ALPK3: variants seen among roughly 807,000 people sequenced by gnomAD.
ALPK3 encodes the protein alpha kinase 3.
In ALPK3, 102 loss-of-function variants were observed where a neutral mutation model predicts 140.0. The observed-to-expected ratio is 0.73, with a 90% CI of 0.62 to 0.86. The LOEUF (loss-of-function observed/expected upper bound fraction) is 0.86. ALPK3 is among the 40% of genes least tolerant of loss of function. The probability of loss-of-function intolerance (pLI) is 0.00; values close to 1 mark genes in which losing one functional copy is unlikely to be tolerated. For synonymous variants in ALPK3, 938 were observed against 898.5 expected, an observed-to-expected ratio of 1.04 and a Z score of -0.79; for missense variants, 2,254 against 2,208.2, an observed-to-expected ratio of 1.02 and a Z score of -0.42.
At chr15:84,854,867 A>G (rs958668699) in intron 5 of ALPK3, among the ~76,000 whole-genome samples, 1 of 152,208 alleles carries the variant, frequency 6.6e-6, no homozygotes, top group Admixed American at 6.5e-5. Context: ...TTATATGTTA[A>G]TATGCATTAA....
chr15:84,867,476 TC>T, intron 13 of ALPK3, 111 bp downstream of exon 13: 1 of 1,227,884 alleles, frequency 8.1e-7, no homozygotes, highest in Non-Finnish European at 1.2e-6. Flanking sequence ...GGCCAAGTGG[TC>T]CCAGACACAC....
rs746482983 is a variant in ALPK3 at position 84,857,465 on chromosome 15, C to T, written c.2727C>T (p.Ala909=). The T allele has an allele frequency of 3.4e-5, 54 of 1,611,902 alleles. No individual in the cohort carries two copies. The Admixed American group carries it at 8.7e-4, about 26-fold the overall frequency. Residue 909 remains alanine (A), a synonymous_variant, in exon 6 of 14, where the codon GCC becomes GCT. Coordinates refer to ENST00000258888, the MANE Select transcript of ALPK3 (RefSeq NM_020778.5). The part of the protein sequence containing the change: ...PSEDQVLMSS[A]PTLHLGLGTP... ...AGGATCAGGTCCTGATGAGTTCTGCCCCAACACTGCACCTGGGGCTGGGGA... is the reference window on the plus strand; with the variant it reads ...AGGATCAGGTCCTGATGAGTTCTGCTCCAACACTGCACCTGGGGCTGGGGA...
chr15:84,868,031 A>T, intron 13 of ALPK3, 80 bp from the exon 14 acceptor site: 10 of 1,413,328 alleles, frequency 7.1e-6, no homozygotes, highest in Non-Finnish European at 8.7e-6. Flanking sequence ...CATCCTGATG[A>T]TGGCCACCCC....
intron 3 of ALPK3, among the ~76,000 whole-genome samples, chr15:84,835,092 C>G (rs578046442): frequency 1.8e-4 from 27 of 152,302 alleles, no homozygotes; most frequent in African/African-American, 6.5e-4. Flanking sequence ...CCCTCTTGCC[C>G]AAGCATTTGA....
intron 1 of ALPK3, among the ~76,000 whole-genome samples, chr15:84,821,691 C>T (rs1175839203): frequency 6.6e-6 from 1 of 152,126 alleles, no homozygotes; most frequent in Non-Finnish European, 1.5e-5. Context: ...CTCTCCCTCC[C>T]CCAGGTCCCC....
intron 3 of ALPK3, among the ~76,000 whole-genome samples, chr15:84,836,274 C>T (rs567614177): frequency 1.3e-3 from 192 of 152,172 alleles, no homozygotes; most frequent in African/African-American, 4.4e-3. Flanking sequence ...ATGAGGGCTG[C>T]GTGAAATGGA....
Position 84,817,508 on chromosome 15 carries a change from C to A in ALPK3, c.56C>A (p.Ala19Glu). The A allele has an allele frequency of 2.8e-6, 2 of 702,720 alleles. No homozygotes were observed. The highest frequency in any genetic ancestry group is 2.2e-5 in the African/African-American group (1 of 45,794). The allele number at this position is 702,720 out of a possible 1,614,324, so 43.5% of individuals were successfully genotyped here. A position where few individuals can be genotyped will look rare whatever the true frequency, so the allele number is the denominator to read the frequency against. Residue 19 changes from alanine (A) to glutamate (E), a missense_variant, in exon 1 of 14, where the codon GCG (alanine) becomes GAG (glutamate). Ala to Glu is a moderately radical substitution (Grantham distance 107). Transcript: ENST00000258888. ...RGWGAGGRSG[A>E]GGDGEDDGPV... ...TGGGGCGCGGGTGGGCGGTCGGGGG[C>A]GGGGGGCGACGGTGAGGACGACGGC...
chr15:84,823,283 C>A, intron 1 of ALPK3, 47 bp from the exon 2 acceptor site: 2 of 1,611,836 alleles, frequency 1.2e-6, no homozygotes, highest in Non-Finnish European at 1.7e-6. Flanking sequence ...CGCCTACTTC[C>A]TTCTTGCTTT....
chr15:84,859,113 T>G, intron 6 of ALPK3, 130 bp from the exon 7 acceptor site: 4 of 1,269,604 alleles, frequency 3.2e-6, no homozygotes, highest in Non-Finnish European at 4.3e-6. Flanking sequence ...CGGGGGGCTG[T>G]GAGTGGTAGG....
intron 3 of ALPK3, among the ~76,000 whole-genome samples, chr15:84,828,072 C>G (rs1336790849): frequency 6.6e-6 from 1 of 152,186 alleles, no homozygotes; most frequent in Non-Finnish European, 1.5e-5. Context: ...GGCTCATCCC[C>G]TTTCCAATGA....
Position 84,856,616 on chromosome 15 carries a change from A to C in ALPK3, c.1878A>C (p.Gly626=), listed in dbSNP as rs1567093344. Residue 626 remains glycine, a synonymous_variant, in exon 6 of 14, where the codon GGA becomes GGC. Coordinates refer to ENST00000258888, the MANE Select transcript of ALPK3 (RefSeq NM_020778.5). ...IQVDGRTRGD[G]TQTAQRTRAD... The stretch of plus-strand genomic sequence containing the variant: ...TGGATGGAAGGACCAGGGGAGATGG[A>C]ACACAGACAGCCCAGAGGACACGTG... The C allele has an allele frequency of 6.2e-7, 1 of 1,614,130 alleles. No homozygotes were observed. Among genetic ancestry groups the C allele is most frequent in the Non-Finnish European group, 8.5e-7 (1 of 1,180,028 alleles).
chr15:84,839,469 C>A lies in ALPK3; in HGVS notation c.423-233C>A, dbSNP rs73437946. Among the ~76,000 whole-genome samples the A allele has an allele frequency of 9.7e-3, 1,479 of 152,314 alleles. 25 individuals carry two copies. The highest frequency in any genetic ancestry group is 0.034 in the African/African-American group (1,417 of 41,554). On this transcript the variant is annotated intron_variant, in intron 4 of 13. Transcript: ENST00000258888. ...AGCTCTCCTGGGCCCCAAGTCTAAT[C>A]CCTCCTGGGACAGTATGGCCTTGGT... is the stretch of plus-strand genomic sequence containing the variant.
chr15:84,819,116 G>A (rs180989775), intron 1 of ALPK3, among the ~76,000 whole-genome samples: 11 of 152,322 alleles, frequency 7.2e-5, no homozygotes, highest in Admixed American at 7.2e-4. Flanking sequence ...TTAGGAAAAG[G>A]GCTGGAGAAT....
In ALPK3 at chr15:84,849,396, A is replaced by G. The variant is rs544590196; in HGVS notation, c.1654-6996A>G. Among the ~76,000 whole-genome samples, 3 of 152,358 alleles carry G rather than the reference A, an allele frequency of 2.0e-5. No homozygotes were observed. In the South Asian group the frequency reaches 6.2e-4, roughly 32 times the overall value. ...ATCAGTAAGGATATAAAAGAACTGA[A>G]CAGCACCAGCAACCAACTATCTAAT... On this transcript the variant is annotated intron_variant, in intron 5 of 13. Transcript: ENST00000258888.
chr15:84,828,906 C>G (rs1365176753), intron 3 of ALPK3, among the ~76,000 whole-genome samples: 1 of 152,214 alleles, frequency 6.6e-6, no homozygotes, highest in Non-Finnish European at 1.5e-5. Context: ...TCCTGTGTTA[C>G]TGTGGCACTT....
At chr15:84,844,510 G>A (rs1044424795) in intron 5 of ALPK3, among the ~76,000 whole-genome samples, 10 of 152,088 alleles carry the variant, frequency 6.6e-5, no homozygotes, top group African/African-American at 2.2e-4. Flanking sequence ...TTCATATATC[G>A]AAGGAGATAA....
In ALPK3 at chr15:84,870,699, C is replaced by G. The variant is rs1018543191; in HGVS notation, c.*2243C>G. Reference sequence around the variant, plus strand: ...ACTTGCCATTGGTTCTAGTGGGTCCCCTTCCACTCAAGATTCAAATTCCAA... The same window carrying G: ...ACTTGCCATTGGTTCTAGTGGGTCCGCTTCCACTCAAGATTCAAATTCCAA... On this transcript the variant is annotated 3_prime_UTR_variant, in exon 14 of 14. Coordinates refer to ENST00000258888, the MANE Select transcript of ALPK3 (RefSeq NM_020778.5). 5.3e-5 allele frequency: 8 copies of G among 152,202 alleles called. No homozygotes were observed. The highest frequency in any genetic ancestry group is 1.4e-4 in the African/African-American group (6 of 41,444). The allele number at this position is 152,202 out of a possible 1,614,324, so 9.4% of individuals were successfully genotyped here.
At position 84,818,662 on chromosome 15, in the gene ALPK3, G is replaced by A. The variant is rs564171993; in HGVS notation, c.143+1067G>A. Among the ~76,000 whole-genome samples, 7 of 152,298 alleles carry A rather than the reference G, an allele frequency of 4.6e-5. No homozygotes were observed. The East Asian group carries it at 1.2e-3, about 25-fold the overall frequency. The stretch of plus-strand genomic sequence containing the variant: ...CAGGAAAAGTCCTGGGCACTTCCTC[G>A]TGAATTGGCTGAGTCCTACTGACCT... On this transcript the variant is annotated intron_variant, in intron 1 of 13. Coordinates refer to ENST00000258888, the MANE Select transcript of ALPK3 (RefSeq NM_020778.5).
intron 2 of ALPK3, among the ~76,000 whole-genome samples, chr15:84,826,764 A>G (rs1963493212): frequency 6.6e-6 from 1 of 152,158 alleles, no homozygotes; most frequent in Non-Finnish European, 1.5e-5. Flanking sequence ...GTCCTGGAGC[A>G]GCCAACCATG....
Sources: gnomAD v4.1 joint callset for allele counts (sites outside exome capture counted in the v4.1 genomes callset) on GRCh38, gnomAD v4.1.1 for gene constraint, MANE v1.5 for transcripts, NCBI Gene and HGNC (gene_info 2026-07-23, HGNC 2026-07-21) for gene names.